The following STX1A variants were observed in gnomAD, a reference collection of about 807,000 sequenced individuals.
STX1A encodes syntaxin 1A.
In STX1A, 4 loss-of-function variants were observed where a neutral mutation model predicts 37.8. The ratio of observed to expected loss-of-function variants is 0.11; its 90% CI spans 0.05 to 0.24. The LOEUF is 0.24. STX1A is among the 10% of genes least tolerant of loss of function. The pLI is 1.00. For synonymous variants in STX1A, 135 were observed against 147.4 expected, an observed-to-expected ratio of 0.92 and a Z score of 0.61; for missense variants, 251 against 399.9, an observed-to-expected ratio of 0.63 and a Z score of 3.18.
At position 73,700,850 on chromosome 7, in the gene STX1A, C is replaced by T. The variant is rs1458251446; in HGVS notation, c.679-10G>A. The T allele has an allele frequency of 4.3e-6, 7 of 1,612,320 alleles. No homozygotes were observed. Among genetic ancestry groups the T allele is most frequent in the African/African-American group, 2.7e-5 (2 of 74,866 alleles). On this transcript the variant is annotated splice_polypyrimidine_tract_variant and intron_variant, in intron 8 of 9. Transcript: ENST00000222812. The surrounding 1 kb of genome is among the most constrained non-coding windows in gnomAD (Gnocchi z 4.4). ...TGTCAATCATCTCTCCCTGCGGGGC[C>T]GGGGGCACCCGAGCTCCAGAGGGCC...
At chr7:73,703,629 T>A (rs1798749948) in intron 7 of STX1A, 126 bp downstream of exon 7, 1 of 1,145,770 alleles carries the variant, frequency 8.7e-7, no homozygotes, top group African/African-American at 1.5e-5. Context: ...CTGGGACTCT[T>A]CCTTCCCTAA....
rs182671847 is a variant in STX1A at position 73,712,258 on chromosome 7, C to T, written c.31-3136G>A. On this transcript the variant is annotated intron_variant, in intron 1 of 9. Transcript: ENST00000222812. Reference sequence around the variant, plus strand: ...CCCCACGTCCTTCTACTTCTTCGTTCTTGGGAATTTTCACCCCCAGCTCTG... The same window carrying T: ...CCCCACGTCCTTCTACTTCTTCGTTTTTGGGAATTTTCACCCCCAGCTCTG... Among the ~76,000 whole-genome samples the T allele has an allele frequency of 2.0e-5, 3 of 152,206 alleles. No individual in the cohort carries two copies. The East Asian group carries it at 5.8e-4, about 29-fold the overall frequency.
Position 73,708,641 on chromosome 7 carries a change from C to G in STX1A, c.156G>C (p.Glu52Asp), listed in dbSNP as rs1346014749. Residue 52 changes from glutamate (E) to aspartate (D), a missense_variant, in exon 3 of 10, where the codon GAG (glutamate) becomes GAC (aspartate). Transcript: ENST00000222812. ...TGGCACTGTGCTTCCGCTTCACCTC[C>G]TCCACGTTCTCTGCGATCTTGTCAA... ...GFIDKIAENV[E>D]EVKRKHSAIL... 12 of 1,614,080 alleles carry G rather than the reference C, an allele frequency of 7.4e-6. No homozygotes were observed. Among genetic ancestry groups the G allele is most frequent in the Non-Finnish European group, 9.3e-6 (11 of 1,180,024 alleles).
intron 1 of STX1A, among the ~76,000 whole-genome samples, chr7:73,715,294 C>A (rs1483901225): frequency 6.6e-6 from 1 of 151,512 alleles, no homozygotes; most frequent in African/African-American, 2.4e-5. Flanking sequence ...TGGTGATGCA[C>A]ACCTGTAGTC....
At chr7:73,703,859 G>C in intron 6 of STX1A, 31 bp from the exon 7 acceptor site, 1 of 1,604,902 alleles carries the variant, frequency 6.2e-7, no homozygotes, top group African/African-American at 1.3e-5. Flanking sequence ...ACTGAGCCCA[G>C]CCCTCTTCGG....
intron 1 of STX1A, among the ~76,000 whole-genome samples, chr7:73,718,884 C>T (rs782004477): frequency 5.9e-5 from 9 of 151,936 alleles, no homozygotes; most frequent in Non-Finnish European, 1.0e-4. Context: ...CGCAAGGAAC[C>T]CTGAAGGGTC....
intron 1 of STX1A, among the ~76,000 whole-genome samples, chr7:73,714,528 G>A (rs1441698054): frequency 1.3e-5 from 2 of 152,078 alleles, no homozygotes; most frequent in African/African-American, 4.8e-5. Flanking sequence ...AGCCTCCAGA[G>A]TAGCTGGGAC....
intron 7 of STX1A, 34 bp from the exon 8 acceptor site, chr7:73,703,016 G>A: frequency 2.6e-6 from 4 of 1,551,678 alleles, no homozygotes; most frequent in Non-Finnish European, 3.5e-6. Flanking sequence ...GGACCCAGAG[G>A]CTTGCTGAGG....
Position 73,702,997 on chromosome 7 carries a change from A to AG in STX1A, c.541-16dup. 1 of 1,169,426 alleles carries AG rather than the reference A, an allele frequency of 8.6e-7. No individual in the cohort carries two copies. Among genetic ancestry groups the AG allele is most frequent in the Non-Finnish European group, 1.1e-6 (1 of 932,698 alleles). 72.4% of individuals were successfully genotyped at this position (1,169,426 alleles called of 1,614,324 possible). On this transcript the variant is annotated splice_polypyrimidine_tract_variant and intron_variant, in intron 7 of 9. Transcript: ENST00000222812. The surrounding 1 kb of genome is among the most constrained non-coding windows in gnomAD (Gnocchi z 4.7). ...TCCATGATGATCTGGGGGTGGGAGC[A>AG]GGGGGCTGGGACCCAGAGGCTTGCT...
At chr7:73,713,750 A>G (rs1340171792) in intron 1 of STX1A, among the ~76,000 whole-genome samples, 1 of 152,228 alleles carries the variant, frequency 6.6e-6, no homozygotes. Context: ...AAGTGGACAC[A>G]CAGATTTCTG....
intron 3 of STX1A, among the ~76,000 whole-genome samples, chr7:73,707,006 T>C (rs1798898360): frequency 6.6e-6 from 1 of 152,100 alleles, no homozygotes; most frequent in Non-Finnish European, 1.5e-5. Flanking sequence ...CATGCACACT[T>C]TGGGGCTGTG....
rs1407001246 is a variant in STX1A at position 73,702,012 on chromosome 7, C to G, written c.678+833G>C. On this transcript the variant is annotated intron_variant, in intron 8 of 9. Transcript: ENST00000222812. This position sits in a 1 kb window ranked among gnomAD's most constrained non-coding sequence, Gnocchi z 4.7. ...GCACACTGCCTGCCAAGGCCCCGTC[C>G]ACCTCGTCTCCAGCTTCATCTCAGC... Among the ~76,000 whole-genome samples the G allele has an allele frequency of 1.3e-5, 2 of 152,192 alleles. No homozygotes were observed. The highest frequency in any genetic ancestry group is 6.5e-5 in the Admixed American group (1 of 15,268).
intron 1 of STX1A, among the ~76,000 whole-genome samples, chr7:73,715,392 A>C (rs1167398386): frequency 6.6e-6 from 1 of 152,096 alleles, no homozygotes; most frequent in Non-Finnish European, 1.5e-5. Flanking sequence ...ATTGCACTCC[A>C]GCCTGGAGAC....
intron 3 of STX1A, among the ~76,000 whole-genome samples, chr7:73,708,115 T>G (rs1798943208): frequency 6.7e-6 from 1 of 149,808 alleles, no homozygotes; most frequent in African/African-American, 2.5e-5. Flanking sequence ...ATACAAAAAA[T>G]TAGCCGGGCA....
chr7:73,701,533 AG>A (rs1219910177), intron 8 of STX1A, among the ~76,000 whole-genome samples: 1 of 149,846 alleles, frequency 6.7e-6, no homozygotes, highest in African/African-American at 2.5e-5. Context: ...AAAAAGAAAA[AG>A]AAAAAAAAAA....
intron 8 of STX1A, chr7:73,701,263 AT>A: frequency 2.6e-6 from 1 of 381,560 alleles, no homozygotes; most frequent in Non-Finnish European, 4.7e-6. Context: ...TGACAGCTCC[AT>A]CCAGCTCTGT....
At chr7:73,712,190 T>C (rs1799127394) in intron 1 of STX1A, among the ~76,000 whole-genome samples, 2 of 152,022 alleles carry the variant, frequency 1.3e-5, no homozygotes, top group Admixed American at 1.3e-4. Context: ...CAGCCACAGC[T>C]CCAAGCAAAA....
intron 1 of STX1A, among the ~76,000 whole-genome samples, chr7:73,719,081 C>T (rs1799399615): frequency 6.6e-6 from 1 of 151,896 alleles, no homozygotes; most frequent in South Asian, 2.1e-4. Context: ...CACCACCCGA[C>T]GATCAGGTTT....
rs1798871679 is a variant in STX1A, at chr7:73,706,380, G to T, written c.209-1156C>A. Among the ~76,000 whole-genome samples, 1 of 152,184 alleles carries T rather than the reference G, an allele frequency of 6.6e-6. No homozygotes were observed. Among genetic ancestry groups the T allele is most frequent in the Admixed American group, 6.5e-5 (1 of 15,282 alleles). ...AGACCCAAAATAGCCCAGGCCGGAT[G>T]GCAGCCCCCAGAGGAGGCAGAGCCT... On this transcript the variant is annotated intron_variant, in intron 3 of 9. Transcript: ENST00000222812. The surrounding 1 kb of genome is among the most constrained non-coding windows in gnomAD (Gnocchi z 4.6).
Sources: allele counts gnomAD v4.1 joint callset (sites outside exome capture counted in the v4.1 genomes callset), GRCh38; gene constraint gnomAD v4.1.1; non-coding constraint Gnocchi (gnomAD v3.1); transcripts MANE v1.5; gene names NCBI Gene and HGNC (gene_info 2026-07-23, HGNC 2026-07-21).